Variants in QPCTL observed in about 807,000 individuals in gnomAD.
QPCTL encodes glutaminyl-peptide cyclotransferase-like protein.
QPCTL carries 31 observed loss-of-function variants against 34.6 expected under a neutral mutation model. That is an observed-to-expected ratio of 0.90 (90% confidence interval 0.67 to 1.21). The LOEUF (loss-of-function observed/expected upper bound fraction) is 1.21. Among genes scored for constraint, QPCTL ranks in the 50% most tolerant of loss-of-function variants. QPCTL has a pLI of 0.00. For missense variants in QPCTL, 474 were observed against 507.8 expected, an observed-to-expected ratio of 0.93 and a Z score of 0.64; for synonymous variants, 223 against 226.9, an observed-to-expected ratio of 0.98 and a Z score of 0.15.
rs1318514197 is a variant in QPCTL, at chr19:45,697,403, G to A, written c.634-1144G>A. Reference sequence around the variant, plus strand: ...ATCGCGCCACTGTACGCCAGCCTGGGCGATACAGCGAGACTCCGTCTCAAA... The same window carrying A: ...ATCGCGCCACTGTACGCCAGCCTGGACGATACAGCGAGACTCCGTCTCAAA... On this transcript the variant is annotated intron_variant, in intron 3 of 6. Transcript: ENST00000012049. Among the ~76,000 whole-genome samples the A allele has an allele frequency of 3.6e-5, 5 of 138,312 alleles. No homozygotes were observed. In the East Asian group the frequency reaches 8.9e-4, roughly 25 times the overall value. The allele number at this position is 138,312 out of a possible 152,430, so 90.7% of individuals were successfully genotyped here. A position where few individuals can be genotyped will look rare whatever the true frequency, so the allele number is the denominator to read the frequency against.
rs531078171 is a variant in QPCTL, at chr19:45,703,001, C to G, written c.1101C>G (p.Asn367Lys). 6.2e-6 allele frequency: 10 copies of G among 1,614,120 alleles called. 1 individual carries two copies. In the South Asian group the frequency reaches 1.1e-4, roughly 18 times the overall value. The stretch of plus-strand genomic sequence containing the variant: ...ATCTCCACCCACCCACGGTACACAA[C>G]TTGTGCCGCATTCTCGCTGTGTTCC... ...EVNLHPPTVHNLCRILAVFLA... is the reference protein window; with the variant it reads ...EVNLHPPTVHKLCRILAVFLA... Residue 367 changes from asparagine to lysine, a missense_variant, in exon 7 of 7, where the codon AAC (asparagine) becomes AAG (lysine). Coordinates refer to ENST00000012049, the MANE Select transcript of QPCTL (RefSeq NM_017659.4).
Position 45,693,519 on chromosome 19 carries a change from G to A in QPCTL, c.314G>A (p.Arg105Gln), listed in dbSNP as rs1480930188. ...TATCTGCGCCCCCTGCTGGTTGTGC[G>A]AACCCCGGGCAGCCCGGGAAATCTC... ...STYLRPLLVV[R>Q]TPGSPGNLQV... Residue 105 changes from arginine (R) to glutamine (Q), a missense_variant, in exon 2 of 7, where the codon CGA (arginine) becomes CAA (glutamine). Transcript: ENST00000012049. 6.2e-7 allele frequency: 1 copy of A among 1,612,256 alleles called. No homozygotes were observed. The highest frequency in any genetic ancestry group is 1.3e-5 in the African/African-American group (1 of 74,878).
rs1277571870 is a variant in QPCTL at position 45,703,607 on chromosome 19, G to A, written c.*558G>A. ...GCCTCCCAAAGTGCTGGGATTACAG[G>A]TGTGAGCCACCGCACCTGGCAAAAT... is the stretch of plus-strand genomic sequence containing the variant. On this transcript the variant is annotated 3_prime_UTR_variant, in exon 7 of 7. Transcript: ENST00000012049. 1.3e-5 allele frequency: 2 copies of A among 152,320 alleles called. No individual in the cohort carries two copies. Among genetic ancestry groups the A allele is most frequent in the African/African-American group, 4.8e-5 (2 of 41,424 alleles). The allele number at this position is 152,320 out of a possible 1,614,324, so 9.4% of individuals were successfully genotyped here.
At position 45,695,574 on chromosome 19, in the gene QPCTL, C is replaced by T. The variant is rs1967674416; in HGVS notation, c.489C>T (p.Leu163=). The T allele has an allele frequency of 6.2e-7, 1 of 1,614,132 alleles. No individual in the cohort carries two copies. The highest frequency in any genetic ancestry group is 1.7e-5 in the Admixed American group (1 of 59,992). The change falls in exon 3 of 7, where the codon CTC becomes CTT. Residue 163 remains leucine (L), a synonymous_variant. Transcript: ENST00000012049. ...ATLDPRAARH[L]TLACHYDSKL... is the part of the protein sequence containing the mutation. ...TGGACCCAAGGGCTGCCCGTCACCTCACCCTTGCCTGCCATTATGACTCGA... is the reference window on the plus strand; with the variant it reads ...TGGACCCAAGGGCTGCCCGTCACCTTACCCTTGCCTGCCATTATGACTCGA...
Position 45,693,459 on chromosome 19 carries a change from T to C in QPCTL, c.254T>C (p.Val85Ala). ...CCCGAAGCCCGGCTGCGGAGGGTGG[T>C]GGGACAACTGGATCCACAGCGTCTC... The part of the protein sequence containing the change: ...SLPEARLRRV[V>A]GQLDPQRLWS... Residue 85 changes from valine (V) to alanine (A), a missense_variant, in exon 2 of 7, where the codon GTG becomes GCG. Transcript: ENST00000012049. 6.2e-7 allele frequency: 1 copy of C among 1,613,058 alleles called. No homozygotes were observed. Among genetic ancestry groups the C allele is most frequent in the Non-Finnish European group, 8.5e-7 (1 of 1,179,468 alleles).
In QPCTL at chr19:45,703,285, C is replaced by A; in HGVS notation, c.*236C>A. 1 of 554,378 alleles carries A rather than the reference C, an allele frequency of 1.8e-6. No individual in the cohort carries two copies. Among genetic ancestry groups the A allele is most frequent in the Non-Finnish European group, 3.2e-6 (1 of 311,810 alleles). The allele number at this position is 554,378 out of a possible 1,614,324, so 34.3% of individuals were successfully genotyped here. A position where few individuals can be genotyped will look rare whatever the true frequency, so the allele number is the denominator to read the frequency against. ...AGCCAGAGGAATAAGAACTTGCTCC[C>A]TCCCCAGAGGTAAACACTTGGTCCA... On this transcript the variant is annotated 3_prime_UTR_variant, in exon 7 of 7. Coordinates refer to ENST00000012049, the MANE Select transcript of QPCTL (RefSeq NM_017659.4).
Position 45,695,486 on chromosome 19 carries a change from T to C in QPCTL, c.401T>C (p.Leu134Pro). Reference protein sequence around the residue: ...RSLTAGWHVELDPFTASTPLG... With the variant: ...RSLTAGWHVEPDPFTASTPLG... Reference sequence around the variant, plus strand: ...CTGACAGCAGGTTGGCACGTGGAGCTGGATCCCTTCACAGCCTCAACACCC... The same window carrying C: ...CTGACAGCAGGTTGGCACGTGGAGCCGGATCCCTTCACAGCCTCAACACCC... Residue 134 changes from leucine to proline, a missense_variant, in exon 3 of 7, where the codon CTG becomes CCG. By Grantham distance (98) the Leu-to-Pro change is moderately conservative. Coordinates refer to ENST00000012049, the MANE Select transcript of QPCTL (RefSeq NM_017659.4). 1 of 1,613,966 alleles carries C rather than the reference T, an allele frequency of 6.2e-7. No homozygotes were observed. Among genetic ancestry groups the C allele is most frequent in the Non-Finnish European group, 8.5e-7 (1 of 1,179,970 alleles).
In QPCTL at chr19:45,697,720, G is replaced by A. The variant is rs887268135; in HGVS notation, c.634-827G>A. ...AACATCCCTTCCCAAAAGACCCAAC[G>A]CCCTCTCCAGGCCAGGTCATCCCCC... On this transcript the variant is annotated intron_variant, in intron 3 of 6. Coordinates refer to ENST00000012049, the MANE Select transcript of QPCTL (RefSeq NM_017659.4). Among the ~76,000 whole-genome samples, 7 of 151,958 alleles carry A rather than the reference G, an allele frequency of 4.6e-5. No individual in the cohort carries two copies. In the East Asian group the frequency reaches 5.8e-4, roughly 13 times the overall value.
chr19:45,693,445 GC>G lies in QPCTL; in HGVS notation c.241del (p.Leu81CysfsTer46), dbSNP rs1967620105. The G allele has an allele frequency of 6.2e-7, 1 of 1,612,284 alleles. No homozygotes were observed. The highest frequency in any genetic ancestry group is 8.5e-7 in the Non-Finnish European group (1 of 1,179,088). ...PLIGSLPEAR[L>X]RRVVGQLDPQ... ...TGATCGGAAGCCTCCCCGAAGCCCGGCTGCGGAGGGTGGTGGGACAACTGGA... is the reference window on the plus strand; with the variant it reads ...TGATCGGAAGCCTCCCCGAAGCCCGGTGCGGAGGGTGGTGGGACAACTGGA... On this transcript the variant is annotated frameshift_variant, in exon 2 of 7. Transcript: ENST00000012049. LOFTEE classifies it high-confidence loss of function.
intron 3 of QPCTL, chr19:45,698,332 A>T: frequency 1.8e-6 from 1 of 559,532 alleles, no homozygotes; most frequent in Non-Finnish European, 3.1e-6. Flanking sequence ...TCCAGAAGTT[A>T]GTAACTTCCC....
chr19:45,700,838 A>G (rs1407164895), intron 5 of QPCTL, among the ~76,000 whole-genome samples: 1 of 151,036 alleles, frequency 6.6e-6, no homozygotes, highest in Non-Finnish European at 1.5e-5. Flanking sequence ...GGGCGCCTGT[A>G]CTCCCAGCTA....
intron 5 of QPCTL, among the ~76,000 whole-genome samples, chr19:45,701,153 C>T (rs1360577728): frequency 6.6e-6 from 1 of 151,902 alleles, no homozygotes; most frequent in Non-Finnish European, 1.5e-5. Flanking sequence ...GGCATGGGGG[C>T]ATGCGCCTGA....
intron 1 of QPCTL, 148 bp from the exon 2 acceptor site, chr19:45,693,265 C>G (rs1967611382): frequency 4.3e-6 from 5 of 1,169,232 alleles, no homozygotes; most frequent in Admixed American, 2.6e-5. Flanking sequence ...TTTCCTGAGC[C>G]TTGGATTTAT....
intron 3 of QPCTL, among the ~76,000 whole-genome samples, chr19:45,696,804 G>A (rs993097280): frequency 1.3e-5 from 2 of 151,772 alleles, no homozygotes; most frequent in Non-Finnish European, 2.9e-5. Flanking sequence ...TCACTCAGGT[G>A]TCCACTCCAA....
At chr19:45,701,152 G>C (rs1007481977) in intron 5 of QPCTL, among the ~76,000 whole-genome samples, 1 of 151,974 alleles carries the variant, frequency 6.6e-6, no homozygotes, top group Non-Finnish European at 1.5e-5. Context: ...AGGCATGGGG[G>C]CATGCGCCTG....
intron 5 of QPCTL, among the ~76,000 whole-genome samples, chr19:45,701,277 CTT>C (rs34262469): frequency 3.0e-4 from 43 of 141,226 alleles, no homozygotes; most frequent in Admixed American, 2.9e-4. Context: ...AGAGCAAGAT[CTT>C]TTTTTTTTTT....
intron 1 of QPCTL, 116 bp from the exon 2 acceptor site, chr19:45,693,297 A>C (rs1320628840): frequency 4.5e-6 from 6 of 1,328,592 alleles, no homozygotes; most frequent in African/African-American, 1.5e-5. Context: ...CCGATGCTGG[A>C]GGCGGCAGAT....
intron 2 of QPCTL, among the ~76,000 whole-genome samples, chr19:45,695,103 T>C (rs760667194): frequency 1.3e-5 from 2 of 151,900 alleles, no homozygotes; most frequent in East Asian, 3.9e-4. Context: ...CTGGCCAACA[T>C]TGTGAAACCC....
chr19:45,702,929 C>G lies in QPCTL; in HGVS notation c.1029C>G (p.Ser343=), dbSNP rs1274716194. The part of the protein sequence containing the change: ...RRGVPVLHLI[S]TPFPAVWHTP... ...GGGTACCCGTGCTCCATCTCATCTC[C>G]ACGCCCTTCCCTGCTGTCTGGCACA... The change falls in exon 7 of 7, where the codon TCC becomes TCG. Residue 343 remains serine (S), a synonymous_variant. Coordinates refer to ENST00000012049, the MANE Select transcript of QPCTL (RefSeq NM_017659.4). 3 of 1,613,970 alleles carry G rather than the reference C, an allele frequency of 1.9e-6. No individual in the cohort carries two copies. Among genetic ancestry groups the G allele is most frequent in the Non-Finnish European group, 2.5e-6 (3 of 1,180,042 alleles).
Sources: gnomAD v4.1 joint callset for allele counts (sites outside exome capture counted in the v4.1 genomes callset) on GRCh38, gnomAD v4.1.1 for gene constraint, MANE v1.5 for transcripts, NCBI Gene and HGNC (gene_info 2026-07-23, HGNC 2026-07-21) for gene names.